The following ARHGAP18 variants were observed in gnomAD, a reference collection of about 807,000 sequenced individuals.
The protein encoded by ARHGAP18 is rho GTPase-activating protein 18.
ARHGAP18 carries 67 observed loss-of-function variants against 86.2 expected under a neutral mutation model. The observed-to-expected ratio is 0.78, with a 90% CI of 0.64 to 0.95. The LOEUF (loss-of-function observed/expected upper bound fraction) is 0.95. Among genes scored for constraint, ARHGAP18 ranks in the 40% least tolerant of loss-of-function variants. The pLI, the probability that ARHGAP18 is intolerant of heterozygous loss-of-function variation, is 0.00. For missense variants in ARHGAP18, 691 were observed against 780.4 expected, an observed-to-expected ratio of 0.89 and a Z score of 1.37; for synonymous variants, 283 against 280.4, an observed-to-expected ratio of 1.01 and a Z score of -0.09.
chr6:129,662,159 T>C (rs1156446470), intron 1 of ARHGAP18, among the ~76,000 whole-genome samples: 1 of 152,146 alleles, frequency 6.6e-6, no homozygotes, highest in African/African-American at 2.4e-5. Flanking sequence ...TCTTTAATGG[T>C]TTTACTGCAG....
At chr6:129,667,467 A>ATATGTGTG (rs1554341316) in intron 1 of ARHGAP18, among the ~76,000 whole-genome samples, 1 of 95,750 alleles carries the variant, frequency 1.0e-5, no homozygotes, top group Admixed American at 1.0e-4. Context: ...AGAAAAATAT[A>ATATGTGTG]TATGTGTGTG....
chr6:129,671,272 G>A (rs1037152801), intron 1 of ARHGAP18, among the ~76,000 whole-genome samples: 2 of 152,026 alleles, frequency 1.3e-5, no homozygotes, highest in African/African-American at 2.4e-5. Flanking sequence ...AAAATGAAGT[G>A]GTCAACTGTT....
chr6:129,616,158 C>T, intron 7 of ARHGAP18, 54 bp downstream of exon 7: 1 of 1,341,256 alleles, frequency 7.5e-7, no homozygotes, highest in Non-Finnish European at 1.0e-6. Flanking sequence ...AATACAAAAA[C>T]CACTATTAGC....
chr6:129,634,610 T>C (rs1037684723), intron 3 of ARHGAP18, among the ~76,000 whole-genome samples: 17 of 152,060 alleles, frequency 1.1e-4, no homozygotes, highest in African/African-American at 4.1e-4. Flanking sequence ...CTGACCATAA[T>C]ATGCAAACCA....
Position 129,607,944 on chromosome 6 carries a change from G to T in ARHGAP18, c.1231C>A (p.Pro411Thr). The T allele has an allele frequency of 6.2e-7, 1 of 1,613,644 alleles. No homozygotes were observed. Among genetic ancestry groups the T allele is most frequent in the Non-Finnish European group, 8.5e-7 (1 of 1,179,826 alleles). ...TACTCCACACTGAGCAGTGGCTGGG[G>T]CAACTCCCGAATGAAGAGCTTCAGC... Reference protein sequence around the residue: ...SLLKLFIRELPQPLLSVEYLK... With the variant: ...SLLKLFIRELTQPLLSVEYLK... The change falls in exon 9 of 15, where the codon CCC (proline) becomes ACC (threonine). Residue 411 changes from proline to threonine, a missense_variant. Physicochemically the swap from Pro to Thr is conservative, Grantham distance 38 (BLOSUM62 -1). Transcript: ENST00000368149.
chr6:129,589,743 C>T (rs1052593187), intron 12 of ARHGAP18, among the ~76,000 whole-genome samples: 3 of 152,142 alleles, frequency 2.0e-5, no homozygotes, highest in Non-Finnish European at 2.9e-5. Context: ...GGACAGAACT[C>T]ATAGCATAGA....
At chr6:129,642,732 T>C (rs1224595644) in intron 1 of ARHGAP18, among the ~76,000 whole-genome samples, 1 of 152,238 alleles carries the variant, frequency 6.6e-6, no homozygotes, top group East Asian at 1.9e-4. Context: ...CTTAGTCAAC[T>C]CTTATACAGC....
intron 1 of ARHGAP18, among the ~76,000 whole-genome samples, chr6:129,697,431 C>T: frequency 7.6e-6 from 1 of 130,794 alleles, no homozygotes; most frequent in Non-Finnish European, 1.6e-5. Flanking sequence ...CAGATCCATC[C>T]TGCAGATGGG....
At chr6:129,704,727 T>C (rs186156003) in intron 1 of ARHGAP18, among the ~76,000 whole-genome samples, 1 of 152,286 alleles carries the variant, frequency 6.6e-6, no homozygotes, top group Admixed American at 6.5e-5. Context: ...GTACCACTGC[T>C]TCTACACTCT....
chr6:129,704,231 G>C (rs1487452262), intron 1 of ARHGAP18, among the ~76,000 whole-genome samples: 1 of 152,046 alleles, frequency 6.6e-6, no homozygotes, highest in Non-Finnish European at 1.5e-5. Flanking sequence ...GATCACTTGA[G>C]GTCAGGAGTT....
At chr6:129,619,721 G>A (rs551753232) in intron 5 of ARHGAP18, among the ~76,000 whole-genome samples, 8 of 151,124 alleles carry the variant, frequency 5.3e-5, no homozygotes, top group African/African-American at 7.3e-5. Context: ...AGCCATGAGT[G>A]TATGCTTAGA....
At chr6:129,593,812 A>G (rs1047199583) in intron 12 of ARHGAP18, among the ~76,000 whole-genome samples, 1 of 152,212 alleles carries the variant, frequency 6.6e-6, no homozygotes, top group African/African-American at 2.4e-5. Flanking sequence ...AAGAACATCT[A>G]CATTTGGACC....
At chr6:129,607,316 C>T (rs998214986) in intron 9 of ARHGAP18, among the ~76,000 whole-genome samples, 3 of 152,202 alleles carry the variant, frequency 2.0e-5, no homozygotes, top group South Asian at 2.1e-4. Context: ...GAAAAAGAAT[C>T]GAGAACTATT....
rs759409586 is a variant in ARHGAP18 at position 129,599,202 on chromosome 6, C to T, written c.1713+14G>A. On this transcript the variant is annotated intron_variant, in intron 12 of 14. Transcript: ENST00000368149. The stretch of plus-strand genomic sequence containing the variant: ...TAAGATCTGAATAAATACATATCTC[C>T]ACTATTTTCTTACATCATTTGTACT... 2.0e-6 allele frequency: 3 copies of T among 1,517,920 alleles called. No individual in the cohort carries two copies. Among genetic ancestry groups the T allele is most frequent in the Middle Eastern group, 1.9e-4 (1 of 5,258 alleles). 94.0% of individuals were successfully genotyped at this position (1,517,920 alleles called of 1,614,324 possible). A position where few individuals can be genotyped will look rare whatever the true frequency, so the allele number is the denominator to read the frequency against.
Position 129,625,919 on chromosome 6 carries a change from TAG to T in ARHGAP18, c.786+3432_786+3433del, listed in dbSNP as rs1237592485. Among the ~76,000 whole-genome samples the T allele has an allele frequency of 3.5e-3, 108 of 30,504 alleles. 1 individual carries two copies. Among genetic ancestry groups the T allele is most frequent in the African/African-American group, 9.6e-3 (92 of 9,626 alleles). The allele number at this position is 30,504 out of a possible 152,430, so 20.0% of individuals were successfully genotyped here. On this transcript the variant is annotated intron_variant, in intron 5 of 14. Coordinates refer to ENST00000368149, the MANE Select transcript of ARHGAP18 (RefSeq NM_033515.3). The stretch of plus-strand genomic sequence containing the variant: ...TTATATATTTATATATTATATATTA[TAG>T]ATATTTATATATTATATATTATATA...
At chr6:129,662,795 G>T (rs1198766353) in intron 1 of ARHGAP18, among the ~76,000 whole-genome samples, 1 of 152,146 alleles carries the variant, frequency 6.6e-6, no homozygotes, top group Non-Finnish European at 1.5e-5. Context: ...TGTAAGTGAG[G>T]AACAGTACTG....
chr6:129,602,710 T>A (rs540323935), intron 10 of ARHGAP18, among the ~76,000 whole-genome samples: 1 of 152,126 alleles, frequency 6.6e-6, no homozygotes, highest in Non-Finnish European at 1.5e-5. Flanking sequence ...GACAAAAGAT[T>A]AATTGAAGTT....
At chr6:129,606,348 T>C (rs1788853555) in intron 9 of ARHGAP18, among the ~76,000 whole-genome samples, 1 of 152,220 alleles carries the variant, frequency 6.6e-6, no homozygotes, top group Admixed American at 6.5e-5. Flanking sequence ...TTTCTTTTAA[T>C]GGCGAGTGAA....
intron 12 of ARHGAP18, 116 bp downstream of exon 12, chr6:129,599,100 G>T: frequency 1.2e-6 from 1 of 823,516 alleles, no homozygotes; most frequent in South Asian, 2.7e-5. Context: ...CTTACAAGTA[G>T]CACCACAGCC....
Sources: allele counts gnomAD v4.1 joint callset (sites outside exome capture counted in the v4.1 genomes callset), GRCh38; gene constraint gnomAD v4.1.1; transcripts MANE v1.5; gene names NCBI Gene and HGNC (gene_info 2026-07-23, HGNC 2026-07-21).